PLCB1: variants seen among roughly 807,000 people sequenced by gnomAD.
PLCB1 encodes phospholipase C beta 1.
In PLCB1, 46 loss-of-function variants were observed where a neutral mutation model predicts 161.8. The observed-to-expected ratio is 0.28, with a 90% CI of 0.22 to 0.36. The LOEUF (loss-of-function observed/expected upper bound fraction) is 0.36, where lower values mean the gene tolerates loss of function less well. Among genes scored for constraint, PLCB1 ranks in the 10% least tolerant of loss-of-function variants. PLCB1 has a pLI of 1.00. For synonymous variants in PLCB1, 517 were observed against 503.7 expected (o/e 1.03, Z -0.35); for missense variants, 1,016 against 1,472.5 (o/e 0.69, Z 5.07).
intron 3 of PLCB1, among the ~76,000 whole-genome samples, chr20:8,419,840 C>T (rs77898256): frequency 0.053 from 8,111 of 152,190 alleles, 720 homozygotes; most frequent in African/African-American, 0.18. Flanking sequence ...AATGTTTATA[C>T]ATCCAATCTT....
intron 9 of PLCB1, 71 bp from the exon 10 acceptor site, chr20:8,684,861 A>G: frequency 7.8e-7 from 1 of 1,277,438 alleles, no homozygotes; most frequent in Non-Finnish European, 1.1e-6. Context: ...TCTGGAAAAA[A>G]AAAAAAAAAG....
intron 31 of PLCB1, among the ~76,000 whole-genome samples, chr20:8,831,769 A>T (rs999094551): frequency 6.6e-6 from 1 of 152,200 alleles, no homozygotes; most frequent in Admixed American, 6.5e-5. Flanking sequence ...AGCTGGGACT[A>T]CAGGCACATA....
At chr20:8,556,656 GGTGTGTGT>G (rs58160557) in intron 3 of PLCB1, among the ~76,000 whole-genome samples, 14,193 of 141,700 alleles carry the variant, frequency 0.1, 803 homozygotes, top group East Asian at 0.18. Context: ...GAGAGGGTTG[GGTGTGTGT>G]GTGTGTGTGT....
chr20:8,386,789 T>G (rs1479762378), intron 3 of PLCB1, among the ~76,000 whole-genome samples: 1 of 152,266 alleles, frequency 6.6e-6, no homozygotes, highest in African/African-American at 2.4e-5. Context: ...CCTTCATCAA[T>G]GATCTCAGCT....
intron 2 of PLCB1, among the ~76,000 whole-genome samples, chr20:8,209,546 C>A (rs1317070706): frequency 6.6e-6 from 1 of 151,834 alleles, no homozygotes; most frequent in Non-Finnish European, 1.5e-5. Context: ...ATTTGTTTTT[C>A]TTTTTTTAAA....
intron 31 of PLCB1, among the ~76,000 whole-genome samples, chr20:8,830,311 AC>A (rs1014830245): frequency 3.9e-5 from 6 of 152,356 alleles, no homozygotes; most frequent in African/African-American, 1.4e-4. Flanking sequence ...AGCATGCAAG[AC>A]CATTGCAAGA....
At chr20:8,729,941 G>C (rs1174428625) in intron 18 of PLCB1, 3 of 151,758 alleles carry the variant, frequency 2.0e-5, no homozygotes, top group African/African-American at 7.3e-5. Flanking sequence ...AATTAAACCA[G>C]ACAAAAATGT....
Position 8,523,465 on chromosome 20 carries a change from G to GCTCTCTCTCTCTCTCTCTCTCTCTCT in PLCB1, c.247-104822_247-104797dup, listed in dbSNP as rs1174973173. On this transcript the variant is annotated intron_variant, in intron 3 of 31. Transcript: ENST00000338037. ...ACGACAACAAATATATATATATTTG[G>GCTCTCTCTCTCTCTCTCTCTCTCTCT]CTCTCTCTCTCTCTCTCTCTCTCTC... Among the ~76,000 whole-genome samples the GCTCTCTCTCTCTCTCTCTCTCTCTCT allele has an allele frequency of 4.7e-4, 23 of 48,796 alleles. 1 individual carries two copies. Among genetic ancestry groups the GCTCTCTCTCTCTCTCTCTCTCTCTCT allele is most frequent in the Non-Finnish European group, 5.4e-4 (15 of 27,800 alleles). 32.0% of individuals were successfully genotyped at this position (48,796 alleles called of 152,430 possible).
intron 19 of PLCB1, among the ~76,000 whole-genome samples, chr20:8,736,127 C>A (rs946121230): frequency 6.6e-6 from 1 of 152,156 alleles, no homozygotes; most frequent in Non-Finnish European, 1.5e-5. Context: ...AACCACATAA[C>A]CCAGATTCAC....
rs147857182 is a variant in PLCB1, at chr20:8,339,286, T to C, written c.178-32096T>C. Among the ~76,000 whole-genome samples, 513 of 152,308 alleles carry C rather than the reference T, an allele frequency of 3.4e-3. 3 individuals are homozygous for C. The highest frequency in any genetic ancestry group is 0.012 in the African/African-American group (478 of 41,564). On this transcript the variant is annotated intron_variant, in intron 2 of 31. Transcript: ENST00000338037. ...AGTGTGGGAGAGAACAAAGATGGTC[T>C]TGATCACAGTGGTATGCTGTCACTT...
chr20:8,877,530 A>C (rs1419041784), intron 31 of PLCB1, among the ~76,000 whole-genome samples: 1 of 152,164 alleles, frequency 6.6e-6, no homozygotes, highest in Admixed American at 6.5e-5. Context: ...TGTCATCTCT[A>C]GCTCTTCAGA....
rs529499162 is a variant in PLCB1 at position 8,371,468 on chromosome 20, G to A, written c.246+18G>A. On this transcript the variant is annotated intron_variant, in intron 3 of 31. Transcript: ENST00000338037. ...CTCCCAAGGTAGGAGGTTGAGTGTT[G>A]TGCATGCACCAGATGCTGCCTTGAT... 1 of 1,565,842 alleles carries A rather than the reference G, an allele frequency of 6.4e-7. No homozygotes were observed. The highest frequency in any genetic ancestry group is 1.4e-5 in the African/African-American group (1 of 73,820).
At chr20:8,609,825 G>A (rs1459166064) in intron 3 of PLCB1, among the ~76,000 whole-genome samples, 1 of 152,142 alleles carries the variant, frequency 6.6e-6, no homozygotes, top group Non-Finnish European at 1.5e-5. Context: ...TCATACATGT[G>A]TTCTGAAGCA....
intron 3 of PLCB1, among the ~76,000 whole-genome samples, chr20:8,542,521 C>T (rs1271053809): frequency 2.0e-5 from 3 of 152,104 alleles, no homozygotes; most frequent in Admixed American, 1.3e-4. Context: ...TTTAATAATA[C>T]TTAGCACATA....
At position 8,765,361 on chromosome 20, in the gene PLCB1, A is replaced by G; in HGVS notation, c.2930+3A>G. The G allele has an allele frequency of 1.3e-6, 2 of 1,592,458 alleles. No individual in the cohort carries two copies. Among genetic ancestry groups the G allele is most frequent in the Non-Finnish European group, 1.7e-6 (2 of 1,166,070 alleles). On this transcript the variant is annotated splice_donor_region_variant and intron_variant, in intron 26 of 31. Transcript: ENST00000338037. The stretch of plus-strand genomic sequence containing the variant: ...GCCAAAAAGGACAGTAAGAAAAAGT[A>G]AGTTCAATGAATATTTTTAGTTGGT...
At chr20:8,216,364 G>A (rs940656555) in intron 2 of PLCB1, among the ~76,000 whole-genome samples, 1 of 152,036 alleles carries the variant, frequency 6.6e-6, no homozygotes, top group East Asian at 1.9e-4. Context: ...CTGAGTACAA[G>A]GCTGCAATAT....
At chr20:8,476,395 A>T (rs1982281584) in intron 3 of PLCB1, among the ~76,000 whole-genome samples, 1 of 152,210 alleles carries the variant, frequency 6.6e-6, no homozygotes, top group Non-Finnish European at 1.5e-5. Flanking sequence ...CACCTTGAAG[A>T]ATATGTACTT....
At chr20:8,501,030 A>C (rs142364709) in intron 3 of PLCB1, among the ~76,000 whole-genome samples, 10 of 152,272 alleles carry the variant, frequency 6.6e-5, no homozygotes, top group African/African-American at 2.4e-4. Flanking sequence ...CCAACAGTTC[A>C]TATCCAGACA....
chr20:8,151,221 A>G (rs2051504702), intron 2 of PLCB1, among the ~76,000 whole-genome samples: 1 of 152,184 alleles, frequency 6.6e-6, no homozygotes, highest in South Asian at 2.1e-4. Flanking sequence ...GAATAGTAAT[A>G]GTATACCATT....
Sources: allele counts gnomAD v4.1 joint callset (sites outside exome capture counted in the v4.1 genomes callset), GRCh38; gene constraint gnomAD v4.1.1; transcripts MANE v1.5; gene names NCBI Gene and HGNC (gene_info 2026-07-23, HGNC 2026-07-21).